The following GTF2B variants were observed in gnomAD, a reference collection of about 807,000 sequenced individuals.
GTF2B encodes the protein transcription initiation factor IIB.
A neutral mutation model predicts 34.6 loss-of-function variants in GTF2B; 20 were observed. The ratio of observed to expected loss-of-function variants is 0.58; its 90% CI spans 0.41 to 0.84. GTF2B has a LOEUF of 0.84. GTF2B is among the 40% of genes least tolerant of loss of function. GTF2B has a pLI of 0.00. For synonymous variants in GTF2B, 142 were observed against 132.4 expected (o/e 1.07, Z -0.50); for missense variants, 237 against 393.3 (o/e 0.60, Z 3.36).
At chr1:88,882,466 AG>A (rs1673973467) in intron 2 of GTF2B, among the ~76,000 whole-genome samples, 2 of 152,312 alleles carry the variant, frequency 1.3e-5, no homozygotes, top group Admixed American at 1.3e-4. Flanking sequence ...ATTTAACTGA[AG>A]GGTTAAGCAA....
intron 5 of GTF2B, among the ~76,000 whole-genome samples, chr1:88,858,281 G>C (rs183186302): frequency 1.1e-4 from 16 of 152,302 alleles, no homozygotes; most frequent in African/African-American, 3.6e-4. Flanking sequence ...TTACCGGTGT[G>C]AGCCATCGTG....
intron 2 of GTF2B, among the ~76,000 whole-genome samples, chr1:88,876,033 T>C (rs72724788): frequency 0.047 from 6,889 of 145,812 alleles, 284 homozygotes; most frequent in African/African-American, 0.11. Context: ...ATGAGTAATT[T>C]TTTGATGTTT....
At chr1:88,874,497 ATTTTT>A (rs56331310) in intron 2 of GTF2B, among the ~76,000 whole-genome samples, 882 of 83,566 alleles carry the variant, frequency 0.011, 13 homozygotes, top group African/African-American at 0.038. Flanking sequence ...AGCTAATTAA[ATTTTT>A]TTTTTTTTTT....
chr1:88,885,992 T>G (rs543505824), intron 2 of GTF2B, among the ~76,000 whole-genome samples: 1 of 152,242 alleles, frequency 6.6e-6, no homozygotes, highest in South Asian at 2.1e-4. Context: ...TACCTAAACG[T>G]CAGTTTCCTT....
chr1:88,863,995 T>C lies in GTF2B; in HGVS notation c.244A>G (p.Thr82Ala). The change falls in exon 3 of 7, where the codon ACC (threonine) becomes GCC (alanine). Residue 82 changes from threonine to alanine, a missense_variant. By Grantham distance (58) the Thr-to-Ala change is moderately conservative. Coordinates refer to ENST00000370500, the MANE Select transcript of GTF2B (RefSeq NM_001514.6). ...NPLLSDGDLS[T>A]MIGKGTGAAS... ...GGACTTATTACCTTGCCAATCATGG[T>C]AGACAAATCTCCATCACTCAGAAGA... 6.2e-7 allele frequency: 1 copy of C among 1,613,874 alleles called. No individual in the cohort carries two copies. The highest frequency in any genetic ancestry group is 8.5e-7 in the Non-Finnish European group (1 of 1,179,750).
chr1:88,875,760 A>C (rs1446608797), intron 2 of GTF2B, among the ~76,000 whole-genome samples: 3 of 152,132 alleles, frequency 2.0e-5, no homozygotes, highest in Non-Finnish European at 4.4e-5. Context: ...ACTCTCTTTC[A>C]TACACTATCC....
rs1201194995 is a variant in GTF2B at position 88,887,365 on chromosome 1, A to G, written c.20T>C (p.Leu7Ser). Residue 7 changes from leucine (L) to serine (S), a missense_variant and splice_region_variant, in exon 2 of 7, where the codon TTG (leucine) becomes TCG (serine). Around this residue, in one of 3 missense-constraint regions of GTF2B, gnomAD observed 130 missense variants for 170.9 expected, o/e 0.76. Coordinates refer to ENST00000370500, the MANE Select transcript of GTF2B (RefSeq NM_001514.6). The part of the protein sequence containing the change: MASTSR[L>S]DALPRVTCPN... ...ACATGTGACTCTTGGAAGAGCATCC[A>G]AACTAAAAGAAAAAAGTTGTATTTT... 2 of 1,586,502 alleles carry G rather than the reference A, an allele frequency of 1.3e-6. No individual in the cohort carries two copies. The highest frequency in any genetic ancestry group is 8.7e-7 in the Non-Finnish European group (1 of 1,155,128).
chr1:88,864,919 T>C (rs1172390036), intron 2 of GTF2B, among the ~76,000 whole-genome samples: 2 of 152,226 alleles, frequency 1.3e-5, no homozygotes, highest in Non-Finnish European at 2.9e-5. Context: ...ACAAATAAGA[T>C]TAACTAGCCT....
At chr1:88,861,563 C>G (rs1471004971) in intron 3 of GTF2B, among the ~76,000 whole-genome samples, 1 of 152,198 alleles carries the variant, frequency 6.6e-6, no homozygotes, top group African/African-American at 2.4e-5. Flanking sequence ...GCTTGGGAGG[C>G]TGAGGCGGGA....
intron 2 of GTF2B, 67 bp from the exon 3 acceptor site, chr1:88,864,181 T>C: frequency 6.9e-7 from 1 of 1,450,912 alleles, no homozygotes; most frequent in Non-Finnish European, 9.7e-7. Flanking sequence ...CACTGTCCAA[T>C]GCCCAACTAA....
intron 2 of GTF2B, among the ~76,000 whole-genome samples, chr1:88,879,972 T>C (rs1413042059): frequency 1.3e-5 from 2 of 151,818 alleles, no homozygotes; most frequent in African/African-American, 4.8e-5. Context: ...AGCAGGAGAA[T>C]TGCCTGAACC....
chr1:88,879,641 G>A (rs181080000), intron 2 of GTF2B, among the ~76,000 whole-genome samples: 121 of 151,908 alleles, frequency 8.0e-4, no homozygotes, highest in African/African-American at 2.3e-3. Context: ...ACAGATGAGA[G>A]GGTGACATAT....
chr1:88,876,240 C>T (rs946537630), intron 2 of GTF2B, among the ~76,000 whole-genome samples: 2 of 152,110 alleles, frequency 1.3e-5, no homozygotes, highest in Non-Finnish European at 2.9e-5. Context: ...AGAGGGTAAC[C>T]CAATAATCTT....
At chr1:88,891,436 G>A (rs1674206021) in intron 1 of GTF2B, 47 bp downstream of exon 1, 10 of 1,541,408 alleles carry the variant, frequency 6.5e-6, no homozygotes, top group Non-Finnish European at 8.9e-6. Context: ...AGCCGGCGGC[G>A]CTCGCGCCCG....
intron 2 of GTF2B, among the ~76,000 whole-genome samples, chr1:88,867,548 TA>T (rs111904247): frequency 0.087 from 13,259 of 151,976 alleles, 1,331 homozygotes; most frequent in African/African-American, 0.25. Context: ...AATTTTAAGC[TA>T]AAAAAAATCA....
At chr1:88,883,511 C>T (rs1414021713) in intron 2 of GTF2B, among the ~76,000 whole-genome samples, 1 of 151,650 alleles carries the variant, frequency 6.6e-6, no homozygotes, top group Non-Finnish European at 1.5e-5. Context: ...GGCCAGGGTT[C>T]AAGACTAGTC....
chr1:88,886,349 G>A (rs1416688490), intron 2 of GTF2B, among the ~76,000 whole-genome samples: 1 of 152,118 alleles, frequency 6.6e-6, no homozygotes, highest in Non-Finnish European at 1.5e-5. Flanking sequence ...ATTCTCAGAT[G>A]CTACAACTCC....
At chr1:88,861,169 C>A (rs1557653913) in intron 3 of GTF2B, among the ~76,000 whole-genome samples, 2 of 152,094 alleles carry the variant, frequency 1.3e-5, no homozygotes, top group Admixed American at 6.6e-5. Flanking sequence ...AAAACAACAA[C>A]AAAAATCTTG....
intron 3 of GTF2B, among the ~76,000 whole-genome samples, chr1:88,863,099 A>C (rs1673479855): frequency 6.6e-6 from 1 of 152,178 alleles, no homozygotes; most frequent in Non-Finnish European, 1.5e-5. Flanking sequence ...CTGCCAAGAA[A>C]ACTATACTAT....
Sources: allele counts gnomAD v4.1 joint callset (sites outside exome capture counted in the v4.1 genomes callset), GRCh38; gene constraint gnomAD v4.1.1; regional missense constraint gnomAD v4.1.1; transcripts MANE v1.5; gene names NCBI Gene and HGNC (gene_info 2026-07-23, HGNC 2026-07-21).